FRMD3: variants seen among roughly 807,000 people sequenced by gnomAD.
The protein encoded by FRMD3 is FERM domain-containing protein 3.
A neutral mutation model predicts 70.2 loss-of-function variants in FRMD3; 33 were observed. The observed-to-expected ratio is 0.47, with a 90% CI of 0.36 to 0.63. The LOEUF is 0.63. Among genes scored for constraint, FRMD3 ranks in the 20% least tolerant of loss-of-function variants. FRMD3 has a pLI of 0.00. For missense variants in FRMD3, 632 were observed against 711.4 expected (o/e 0.89, Z 1.27); for synonymous variants, 279 against 255.9 (o/e 1.09, Z -0.86).
the FRMD3 span, among the ~76,000 whole-genome samples, chr9:83,568,991 C>T: frequency 6.8e-6 from 1 of 146,260 alleles, no homozygotes; most frequent in African/African-American, 2.5e-5. Flanking sequence ...TACATACATA[C>T]ATAGAGGTAA....
intron 1 of FRMD3, among the ~76,000 whole-genome samples, chr9:83,493,960 G>A (rs964756026): frequency 1.3e-5 from 2 of 152,202 alleles, no homozygotes; most frequent in Non-Finnish European, 2.9e-5. Context: ...AGGTACAGCT[G>A]CATAGATCTC....
intron 1 of FRMD3, among the ~76,000 whole-genome samples, chr9:83,429,213 T>C (rs1306666672): frequency 6.6e-6 from 1 of 152,170 alleles, no homozygotes; most frequent in Non-Finnish European, 1.5e-5. Context: ...CCAGAGCTGA[T>C]GCCTCCCGTC....
chr9:83,273,966 C>T (rs1004169408), intron 13 of FRMD3, among the ~76,000 whole-genome samples: 1 of 152,006 alleles, frequency 6.6e-6, no homozygotes, highest in South Asian at 2.1e-4. Context: ...TGTAAGTACA[C>T]GCCATCAAAT....
In FRMD3 at chr9:83,362,792, CTTCCTTCCTTT is replaced by C. The variant is rs1824639150; in HGVS notation, c.295+10110_295+10120del. Among the ~76,000 whole-genome samples, 33 of 102,986 alleles carry C rather than the reference CTTCCTTCCTTT, an allele frequency of 3.2e-4. No individual in the cohort carries two copies. In the South Asian group the frequency reaches 9.2e-3, roughly 29 times the overall value. The allele number at this position is 102,986 out of a possible 152,430, so 67.6% of individuals were successfully genotyped here. A position where few individuals can be genotyped will look rare whatever the true frequency, so the allele number is the denominator to read the frequency against. On this transcript the variant is annotated intron_variant, in intron 3 of 13. Coordinates refer to ENST00000304195, the MANE Select transcript of FRMD3 (RefSeq NM_174938.6). ...CCTTCCTTCCTTATTTCCTTCCCTC[CTTCCTTCCTTT>C]TTCCTTCCTTCCCTCCCTCCTTCCT...
At chr9:83,445,201 C>A (rs1827419715) in intron 1 of FRMD3, among the ~76,000 whole-genome samples, 3 of 152,074 alleles carry the variant, frequency 2.0e-5, no homozygotes, top group Non-Finnish European at 4.4e-5. Context: ...CATGGTGAAA[C>A]CCCGTCTCTA....
At chr9:83,379,621 G>C (rs1288089425) in intron 2 of FRMD3, among the ~76,000 whole-genome samples, 1 of 152,146 alleles carries the variant, frequency 6.6e-6, no homozygotes, top group African/African-American at 2.4e-5. Context: ...TCACCCCTTA[G>C]TATGATTTGA....
chr9:83,392,692 C>G (rs1228129033), intron 1 of FRMD3, among the ~76,000 whole-genome samples: 1 of 152,158 alleles, frequency 6.6e-6, no homozygotes, highest in African/African-American at 2.4e-5. Flanking sequence ...GCACTTTCCA[C>G]AAGCCCGCAC....
chr9:83,501,719 A>T (rs1029837767), intron 1 of FRMD3, among the ~76,000 whole-genome samples: 4 of 152,186 alleles, frequency 2.6e-5, no homozygotes, highest in African/African-American at 9.7e-5. Flanking sequence ...GGTATGTAAC[A>T]AGCGGCAAGG....
At chr9:83,534,122 A>G (rs919415050) in intron 1 of FRMD3, among the ~76,000 whole-genome samples, 1 of 152,186 alleles carries the variant, frequency 6.6e-6, no homozygotes, top group Admixed American at 6.5e-5. Context: ...CAATTGGAAA[A>G]GCCCAATAAG....
intron 1 of FRMD3, among the ~76,000 whole-genome samples, chr9:83,511,600 G>A (rs930849713): frequency 1.2e-4 from 18 of 152,194 alleles, no homozygotes; most frequent in African/African-American, 3.9e-4. Flanking sequence ...CTGGCTGATG[G>A]CTTCAGAGTT....
In FRMD3 at chr9:83,388,568, T is replaced by C. The variant is rs148792256; in HGVS notation, c.252+1036A>G. The stretch of plus-strand genomic sequence containing the variant: ...GTCATTTGGATGTGAAGGGCACACA[T>C]CACGTGGTTCTGGCATATGCTACAC... On this transcript the variant is annotated intron_variant, in intron 2 of 13. Coordinates refer to ENST00000304195, the MANE Select transcript of FRMD3 (RefSeq NM_174938.6). Among the ~76,000 whole-genome samples the C allele has an allele frequency of 8.4e-3, 1,276 of 152,210 alleles. 19 individuals carry two copies. The highest frequency in any genetic ancestry group is 0.03 in the African/African-American group (1,225 of 41,510).
chr9:83,361,159 A>G (rs1370114400), intron 3 of FRMD3, among the ~76,000 whole-genome samples: 1 of 152,128 alleles, frequency 6.6e-6, no homozygotes, highest in East Asian at 1.9e-4. Context: ...CCAAAACTAA[A>G]CCATAGTACT....
chr9:83,467,577 G>T (rs1828162238), intron 1 of FRMD3: 1 of 1,198,022 alleles, frequency 8.3e-7, no homozygotes, highest in African/African-American at 1.5e-5. Flanking sequence ...TTAAATAAAA[G>T]CGTACCTGAG....
At position 83,469,454 on chromosome 9, in the gene FRMD3, G is replaced by A. The variant is rs867925166; in HGVS notation, c.147+68631C>T. 5.4e-4 allele frequency among the ~76,000 whole-genome samples: 82 copies of A among 152,290 alleles called. 1 individual carries two copies. The Middle Eastern group carries it at 0.014, about 25-fold the overall frequency. On this transcript the variant is annotated intron_variant, in intron 1 of 13. Coordinates refer to ENST00000304195, the MANE Select transcript of FRMD3 (RefSeq NM_174938.6). The stretch of plus-strand genomic sequence containing the variant: ...ATTTCACACCTGCCAGGGAGAATTC[G>A]AATTGTCAAAATGTCAAAGTCAAAT...
At chr9:83,406,751 G>A (rs1477898639) in intron 1 of FRMD3, among the ~76,000 whole-genome samples, 4 of 152,184 alleles carry the variant, frequency 2.6e-5, no homozygotes, top group African/African-American at 7.2e-5. Flanking sequence ...AGCCAGCATC[G>A]GTGAGGACAC....
intron 6 of FRMD3, among the ~76,000 whole-genome samples, chr9:83,322,576 G>T (rs1012416475): frequency 6.6e-6 from 1 of 152,212 alleles, no homozygotes; most frequent in African/African-American, 2.4e-5. Flanking sequence ...AGAGGCCACT[G>T]TAGGCTTGGA....
chr9:83,321,130 A>G (rs1478215351), intron 6 of FRMD3, among the ~76,000 whole-genome samples: 1 of 147,926 alleles, frequency 6.8e-6, no homozygotes, highest in Non-Finnish European at 1.5e-5. Context: ...TTTTCAAAAC[A>G]AAAGAACCAA....
intron 2 of FRMD3, among the ~76,000 whole-genome samples, chr9:83,375,993 C>CT: frequency 6.6e-6 from 1 of 152,060 alleles, no homozygotes; most frequent in Admixed American, 6.5e-5. Flanking sequence ...AACCCCATCT[C>CT]TACTAAAAAT....
At chr9:83,486,985 C>T (rs1018821319) in intron 1 of FRMD3, among the ~76,000 whole-genome samples, 1 of 152,166 alleles carries the variant, frequency 6.6e-6, no homozygotes, top group East Asian at 1.9e-4. Flanking sequence ...TGAATATTCT[C>T]CCATGAACTG....
Sources: allele counts gnomAD v4.1 joint callset (sites outside exome capture counted in the v4.1 genomes callset), GRCh38; gene constraint gnomAD v4.1.1; transcripts MANE v1.5; gene names NCBI Gene and HGNC (gene_info 2026-07-23, HGNC 2026-07-21).